The following GDAP2 variants were observed in gnomAD, a reference collection of about 807,000 sequenced individuals.
GDAP2 encodes the protein ganglioside induced differentiation associated protein 2.
In GDAP2, 51 loss-of-function variants were observed where a neutral mutation model predicts 67.0. The ratio of observed to expected loss-of-function variants is 0.76; its 90% CI spans 0.61 to 0.96. The LOEUF (loss-of-function observed/expected upper bound fraction) is 0.96, where lower values mean the gene tolerates loss of function less well. Among genes scored for constraint, GDAP2 ranks in the 40% least tolerant of loss-of-function variants. The pLI is 0.00. For synonymous variants in GDAP2, 203 were observed against 207.3 expected (o/e 0.98, Z 0.18); for missense variants, 547 against 588.3 (o/e 0.93, Z 0.73).
intron 13 of GDAP2, among the ~76,000 whole-genome samples, chr1:117,876,561 A>ATAGG (rs1273198036): frequency 1.3e-5 from 2 of 152,050 alleles, no homozygotes; most frequent in Non-Finnish European, 2.9e-5. Context: ...AAGCTCTAGC[A>ATAGG]TAGGTACAAA....
intron 3 of GDAP2, among the ~76,000 whole-genome samples, chr1:117,918,264 A>T (rs1650118392): frequency 6.6e-6 from 1 of 152,228 alleles, no homozygotes; most frequent in African/African-American, 2.4e-5. Flanking sequence ...GAGGAGAGTC[A>T]TCTCACAAAG....
At chr1:117,881,692 T>C (rs1445735819) in intron 12 of GDAP2, 131 bp downstream of exon 12, 4 of 660,706 alleles carry the variant, frequency 6.1e-6, no homozygotes, top group Admixed American at 5.1e-5. Context: ...CAACTCAAGA[T>C]CACTTAGAAA....
intron 11 of GDAP2, among the ~76,000 whole-genome samples, chr1:117,882,286 G>GT (rs1481359877): frequency 2.0e-5 from 3 of 152,066 alleles, no homozygotes; most frequent in Non-Finnish European, 4.4e-5. Flanking sequence ...ACAGATTGTT[G>GT]TAACAATCTG....
At chr1:117,913,073 G>A (rs1038320061) in intron 3 of GDAP2, among the ~76,000 whole-genome samples, 1 of 152,182 alleles carries the variant, frequency 6.6e-6, no homozygotes, top group Non-Finnish European at 1.5e-5. Context: ...AGACTGCTTT[G>A]ATTCAAATCC....
At chr1:117,893,044 T>G (rs1281477229) in intron 8 of GDAP2, among the ~76,000 whole-genome samples, 1 of 152,174 alleles carries the variant, frequency 6.6e-6, no homozygotes, top group Non-Finnish European at 1.5e-5. Context: ...GTGCTGTATC[T>G]GTCTTGCTTG....
chr1:117,917,083 C>T (rs1650075153), intron 3 of GDAP2, among the ~76,000 whole-genome samples: 1 of 151,702 alleles, frequency 6.6e-6, no homozygotes, highest in Non-Finnish European at 1.5e-5. Context: ...GAAAATAATG[C>T]CATTTTACTG....
At chr1:117,909,181 G>A (rs1418048584) in intron 5 of GDAP2, among the ~76,000 whole-genome samples, 3 of 152,136 alleles carry the variant, frequency 2.0e-5, no homozygotes. Context: ...TTGTAAGAAT[G>A]ACATCTAGGA....
intron 8 of GDAP2, 77 bp from the exon 9 acceptor site, chr1:117,887,851 C>T: frequency 5.0e-6 from 4 of 794,762 alleles, no homozygotes; most frequent in Non-Finnish European, 6.4e-6. Flanking sequence ...TTTTTAATAC[C>T]CTTCCCTGAC....
intron 13 of GDAP2, among the ~76,000 whole-genome samples, chr1:117,877,045 T>A (rs1345001098): frequency 6.6e-6 from 1 of 152,216 alleles, no homozygotes; most frequent in Non-Finnish European, 1.5e-5. Flanking sequence ...TGTACTCTTT[T>A]CTCTTTCCTA....
intron 13 of GDAP2, among the ~76,000 whole-genome samples, chr1:117,872,030 T>G (rs898776554): frequency 9.9e-5 from 15 of 151,950 alleles, no homozygotes; most frequent in Non-Finnish European, 5.9e-5. Context: ...AGGCAAAGGA[T>G]ATGAACAGAC....
At chr1:117,877,227 T>C (rs1324853606) in intron 13 of GDAP2, 27 of 889,988 alleles carry the variant, frequency 3.0e-5, no homozygotes, top group Non-Finnish European at 3.5e-5. Flanking sequence ...AGAAATTGTG[T>C]TGCAGAATTT....
At chr1:117,890,234 C>T (rs1002648019) in intron 8 of GDAP2, among the ~76,000 whole-genome samples, 2 of 151,920 alleles carry the variant, frequency 1.3e-5, no homozygotes, top group Non-Finnish European at 2.9e-5. Flanking sequence ...CTAGACATGT[C>T]GTAGAAACAA....
chr1:117,875,417 T>C (rs1175956812), intron 13 of GDAP2, among the ~76,000 whole-genome samples: 1 of 152,222 alleles, frequency 6.6e-6, no homozygotes, highest in African/African-American at 2.4e-5. Flanking sequence ...TGGTGGAGGC[T>C]TGGCAGCTTG....
chr1:117,877,898 A>C (rs1648518214), intron 13 of GDAP2, 111 bp downstream of exon 13: 1 of 1,373,924 alleles, frequency 7.3e-7, no homozygotes, highest in Non-Finnish European at 9.5e-7. Flanking sequence ...ATTAAGACTC[A>C]CTAATTTACA....
chr1:117,900,531 G>A (rs2101140436), intron 6 of GDAP2, among the ~76,000 whole-genome samples: 1 of 152,272 alleles, frequency 6.6e-6, no homozygotes. Flanking sequence ...ATTCTAGGAG[G>A]CTGAGGTGGA....
chr1:117,899,656 T>A (rs1488971176), intron 6 of GDAP2, among the ~76,000 whole-genome samples: 1 of 152,070 alleles, frequency 6.6e-6, no homozygotes, highest in Non-Finnish European at 1.5e-5. Context: ...TTCTTAAAAG[T>A]TTTTTTCAAA....
intron 6 of GDAP2, among the ~76,000 whole-genome samples, chr1:117,901,926 C>T (rs1009327930): frequency 2.6e-5 from 4 of 152,170 alleles, no homozygotes; most frequent in Non-Finnish European, 5.9e-5. Flanking sequence ...CTAGAGATTA[C>T]TCCTATAGCC....
In GDAP2 at chr1:117,870,213, T is replaced by C. The variant is rs983096288; in HGVS notation, c.*356A>G. On this transcript the variant is annotated 3_prime_UTR_variant, in exon 14 of 14. Coordinates refer to ENST00000369443, the MANE Select transcript of GDAP2 (RefSeq NM_017686.4). ...ATCACTTAAGTACACAAAGGAAGCG[T>C]GCAATGTTAGAGAGATGATGTGAAC... is the stretch of plus-strand genomic sequence containing the variant. The C allele has an allele frequency of 2.3e-5, 6 of 260,720 alleles. No individual in the cohort carries two copies. Among genetic ancestry groups the C allele is most frequent in the Admixed American group, 1.0e-4 (2 of 19,534 alleles). The allele number at this position is 260,720 out of a possible 1,614,324, so 16.2% of individuals were successfully genotyped here.
At chr1:117,920,464 C>A (rs1163303942) in intron 1 of GDAP2, 40 bp from the exon 2 acceptor site, 25 of 653,364 alleles carry the variant, frequency 3.8e-5, no homozygotes, top group Admixed American at 9.4e-5. Context: ...TAGAGAAGCA[C>A]AGATATTACT....
Sources: allele counts gnomAD v4.1 joint callset (sites outside exome capture counted in the v4.1 genomes callset), GRCh38; gene constraint gnomAD v4.1.1; transcripts MANE v1.5; gene names NCBI Gene and HGNC (gene_info 2026-07-23, HGNC 2026-07-21).